ANKRD6: variants seen among roughly 807,000 people sequenced by gnomAD.
ANKRD6 encodes the protein ankyrin repeat domain-containing protein 6.
Under a neutral mutation model 82.3 loss-of-function variants are expected in ANKRD6, and 56 were observed. The observed-to-expected ratio is 0.68, with a 90% CI of 0.55 to 0.85. The LOEUF (loss-of-function observed/expected upper bound fraction) is 0.85, where lower values mean the gene tolerates loss of function less well. ANKRD6 is among the 40% of genes least tolerant of loss of function. The pLI, the probability that ANKRD6 is intolerant of heterozygous loss-of-function variation, is 0.00. For synonymous variants in ANKRD6, 347 were observed against 352.1 expected, an observed-to-expected ratio of 0.99 and a Z score of 0.16; for missense variants, 852 against 907.6, an observed-to-expected ratio of 0.94 and a Z score of 0.79.
At chr6:89,522,816 A>G (rs1583067798) in intron 1 of ANKRD6, among the ~76,000 whole-genome samples, 1 of 152,074 alleles carries the variant, frequency 6.6e-6, no homozygotes, top group East Asian at 1.9e-4. Flanking sequence ...CTTGTGCCCT[A>G]CCCATTTAGA....
chr6:89,555,097 TCTC>T (rs1341044501), intron 1 of ANKRD6, among the ~76,000 whole-genome samples: 8 of 89,844 alleles, frequency 8.9e-5, no homozygotes, highest in Admixed American at 3.2e-4. Flanking sequence ...CTCCCCCCTC[TCTC>T]CCCCCTCCCC....
intron 2 of ANKRD6, among the ~76,000 whole-genome samples, chr6:89,571,443 T>A (rs1789884764): frequency 6.6e-6 from 1 of 152,218 alleles, no homozygotes; most frequent in African/African-American, 2.4e-5. Flanking sequence ...CATTTGTGTA[T>A]CATCTTTGGA....
intron 1 of ANKRD6, among the ~76,000 whole-genome samples, chr6:89,442,950 T>C (rs74576830): frequency 4.8e-4 from 73 of 152,284 alleles, no homozygotes; most frequent in African/African-American, 1.7e-3. Flanking sequence ...GATCTAGTTA[T>C]GTTAATAGAG....
intron 1 of ANKRD6, among the ~76,000 whole-genome samples, chr6:89,566,589 C>G (rs1394511931): frequency 1.3e-5 from 2 of 152,220 alleles, no homozygotes; most frequent in Non-Finnish European, 2.9e-5. Flanking sequence ...TCTGGCCATA[C>G]TCCTCCGGAG....
At position 89,567,111 on chromosome 6, in the gene ANKRD6, A is replaced by T. The variant is rs1449019733; in HGVS notation, c.120+15A>T. ...CGGTTACCAAGGTAACAAGAGAAAA[A>T]TACGCTGTAGCCATTCCCTGGGAAC... On this transcript the variant is annotated intron_variant, in intron 2 of 15. Coordinates refer to ENST00000339746, the MANE Select transcript of ANKRD6 (RefSeq NM_001242809.2). 10 of 1,573,332 alleles carry T rather than the reference A, an allele frequency of 6.4e-6. No individual in the cohort carries two copies. The highest frequency in any genetic ancestry group is 1.7e-4 in the Middle Eastern group (1 of 6,022).
chr6:89,545,074 G>C (rs1257385924), intron 1 of ANKRD6, among the ~76,000 whole-genome samples: 1 of 151,892 alleles, frequency 6.6e-6, no homozygotes, highest in African/African-American at 2.4e-5. Context: ...TTAGCAGGGC[G>C]TGGTGGCGGG....
At chr6:89,469,167 T>A (rs1775174531) in intron 1 of ANKRD6, among the ~76,000 whole-genome samples, 1 of 152,232 alleles carries the variant, frequency 6.6e-6, no homozygotes, top group South Asian at 2.1e-4. Context: ...TAACCTCATA[T>A]AATCAACTCA....
intron 2 of ANKRD6, chr6:89,581,760 C>T (rs1378824738): frequency 6.6e-6 from 1 of 152,262 alleles, no homozygotes; most frequent in Non-Finnish European, 1.5e-5. Flanking sequence ...AATTCCTTCC[C>T]AAGATGCCTG....
intron 12 of ANKRD6, 55 bp downstream of exon 12, chr6:89,624,112 T>C: frequency 6.6e-7 from 1 of 1,520,556 alleles, no homozygotes; most frequent in Non-Finnish European, 8.8e-7. Flanking sequence ...CAAGGGTTTT[T>C]GTTTAACGGC....
chr6:89,573,784 GGGAAAGTCAGC>G (rs1444231336), intron 2 of ANKRD6, among the ~76,000 whole-genome samples: 12 of 152,104 alleles, frequency 7.9e-5, no homozygotes, highest in African/African-American at 2.9e-4. Context: ...TGTTGCTGTT[GGGAAAGTCAGC>G]TTATAGTGTT....
intron 1 of ANKRD6, among the ~76,000 whole-genome samples, chr6:89,443,019 A>G (rs1771621201): frequency 6.6e-6 from 1 of 152,222 alleles, no homozygotes; most frequent in Non-Finnish European, 1.5e-5. Flanking sequence ...CCATTTCAAA[A>G]TATGGCAAAG....
At chr6:89,543,729 C>G (rs1784704458) in intron 1 of ANKRD6, among the ~76,000 whole-genome samples, 1 of 152,220 alleles carries the variant, frequency 6.6e-6, no homozygotes, top group African/African-American at 2.4e-5. Flanking sequence ...ATTGCAGCAT[C>G]TGATGTCAGC....
rs1796345872 is a variant in ANKRD6 at position 89,598,335 on chromosome 6, T to C, written c.219+2321T>C. 4.1e-6 allele frequency: 4 copies of C among 985,188 alleles called. No individual in the cohort carries two copies. In the African/African-American group the frequency reaches 7.0e-5, roughly 17 times the overall value. 61.0% of individuals were successfully genotyped at this position (985,188 alleles called of 1,614,324 possible). On this transcript the variant is annotated intron_variant, in intron 3 of 15. Coordinates refer to ENST00000339746, the MANE Select transcript of ANKRD6 (RefSeq NM_001242809.2). ...CCGCCTCAGAAATAGTCCAGGATGC[T>C]GTGGCCACAGTGAAAGCCATGAAAG...
chr6:89,476,507 CT>C (rs1776055678), intron 1 of ANKRD6, among the ~76,000 whole-genome samples: 2 of 152,296 alleles, frequency 1.3e-5, no homozygotes, highest in Admixed American at 6.5e-5. Flanking sequence ...TTCCACAAAA[CT>C]GTCTTATAAG....
intron 1 of ANKRD6, among the ~76,000 whole-genome samples, chr6:89,448,563 C>T (rs942450009): frequency 5.9e-5 from 9 of 152,120 alleles, no homozygotes; most frequent in African/African-American, 2.2e-4. Flanking sequence ...CTGTTAAGAC[C>T]TACTGCTTAG....
At chr6:89,485,815 G>A (rs988404887) in intron 1 of ANKRD6, among the ~76,000 whole-genome samples, 1 of 152,194 alleles carries the variant, frequency 6.6e-6, no homozygotes, top group Admixed American at 6.5e-5. Context: ...ACACAGGAAA[G>A]CTTCTCTCTG....
At chr6:89,445,056 C>T (rs943284680) in intron 1 of ANKRD6, among the ~76,000 whole-genome samples, 1 of 152,014 alleles carries the variant, frequency 6.6e-6, no homozygotes, top group Admixed American at 6.6e-5. Context: ...ATAGGCATAG[C>T]TCATTTTATT....
chr6:89,446,250 G>T (rs1772071185), intron 1 of ANKRD6, among the ~76,000 whole-genome samples: 1 of 152,156 alleles, frequency 6.6e-6, no homozygotes. Context: ...TACTTGGGAG[G>T]CTGAGGCAGG....
At chr6:89,629,404 C>T (rs960618064) in intron 15 of ANKRD6, 166 bp downstream of exon 15, 2 of 904,554 alleles carry the variant, frequency 2.2e-6, no homozygotes, top group South Asian at 1.4e-5. Context: ...ACCATATACT[C>T]AGTTGCTATG....
Sources: gnomAD v4.1 joint callset for allele counts (sites outside exome capture counted in the v4.1 genomes callset) on GRCh38, gnomAD v4.1.1 for gene constraint, MANE v1.5 for transcripts, NCBI Gene and HGNC (gene_info 2026-07-23, HGNC 2026-07-21) for gene names.